TNFAIP8: variants seen among roughly 807,000 people sequenced by gnomAD.
The protein encoded by TNFAIP8 is TNF alpha induced protein 8, also known as tumor necrosis factor alpha-induced protein 8.
Under a neutral mutation model 13.3 loss-of-function variants are expected in TNFAIP8, and 7 were observed. The ratio of observed to expected loss-of-function variants is 0.52; its 90% CI spans 0.30 to 0.99. The LOEUF (loss-of-function observed/expected upper bound fraction) is 0.99, where lower values mean the gene tolerates loss of function less well. Ranked by LOEUF, TNFAIP8 falls within the 50% of genes least tolerant of loss-of-function variation. TNFAIP8 has a pLI of 0.07. For missense variants in TNFAIP8, 258 were observed against 236.9 expected (o/e 1.09, Z -0.58); for synonymous variants, 94 against 87.6 (o/e 1.07, Z -0.41).
intron 1 of TNFAIP8, among the ~76,000 whole-genome samples, chr5:119,294,301 G>T (rs1383366425): frequency 6.6e-6 from 1 of 150,902 alleles, no homozygotes; most frequent in Non-Finnish European, 1.5e-5. Flanking sequence ...GCGGTGTTTG[G>T]TTTTTTGTCC....
intron 1 of TNFAIP8, among the ~76,000 whole-genome samples, chr5:119,362,938 C>T (rs1163392499): frequency 6.6e-6 from 1 of 152,094 alleles, no homozygotes; most frequent in Non-Finnish European, 1.5e-5. Context: ...AGGAGCCTCG[C>T]CAAGAAAGTG....
At chr5:119,384,370 C>G (rs1752594844) in intron 1 of TNFAIP8, among the ~76,000 whole-genome samples, 1 of 152,080 alleles carries the variant, frequency 6.6e-6, no homozygotes, top group African/African-American at 2.4e-5. Context: ...CTATAATCAG[C>G]TACTTGGGAG....
intron 1 of TNFAIP8, among the ~76,000 whole-genome samples, chr5:119,275,819 C>CT (rs142350903): frequency 0.11 from 16,590 of 151,310 alleles, 955 homozygotes; most frequent in African/African-American, 0.16. Context: ...AGATTGACAG[C>CT]TTTTTTTTTC....
intron 1 of TNFAIP8, among the ~76,000 whole-genome samples, chr5:119,317,903 T>C (rs1048453470): frequency 6.6e-6 from 1 of 152,160 alleles, no homozygotes; most frequent in African/African-American, 2.4e-5. Flanking sequence ...AGCCCTACCT[T>C]ATATAGTTGA....
intron 1 of TNFAIP8, among the ~76,000 whole-genome samples, chr5:119,382,046 G>A (rs1222025008): frequency 6.6e-6 from 1 of 152,020 alleles, no homozygotes; most frequent in African/African-American, 2.4e-5. Context: ...TACATCCTTG[G>A]GTTTCTGACA....
At chr5:119,387,296 T>C (rs565588790) in intron 1 of TNFAIP8, among the ~76,000 whole-genome samples, 17 of 152,342 alleles carry the variant, frequency 1.1e-4, no homozygotes, top group African/African-American at 3.8e-4. Context: ...AGGTTTTATA[T>C]ATTTATTTAA....
intron 1 of TNFAIP8, among the ~76,000 whole-genome samples, chr5:119,308,588 G>A (rs1749636501): frequency 6.6e-6 from 1 of 151,942 alleles, no homozygotes; most frequent in African/African-American, 2.4e-5. Context: ...ATTCTAGGCT[G>A]GGCACAGTGG....
At position 119,358,918 on chromosome 5, in the gene TNFAIP8, G is replaced by T. The variant is rs1751534888; in HGVS notation, c.31+2797G>T. Among the ~76,000 whole-genome samples the T allele has an allele frequency of 3.9e-5, 6 of 152,218 alleles. No individual in the cohort carries two copies. In the South Asian group the frequency reaches 1.0e-3, roughly 26 times the overall value. On this transcript the variant is annotated intron_variant, in intron 1 of 1. Coordinates refer to ENST00000504771, the MANE Select transcript of TNFAIP8 (RefSeq NM_014350.4). ...CTTGGAAAAGAGTGAGGATTGAGTG[G>T]TGAGTGAGTCTGGCTCGCTCCTCCA...
chr5:119,303,120 C>T (rs1280542508), intron 1 of TNFAIP8, among the ~76,000 whole-genome samples: 2 of 152,170 alleles, frequency 1.3e-5, no homozygotes, highest in South Asian at 4.1e-4. Context: ...AAACCAGAGC[C>T]TGGTTTCCCC....
intron 1 of TNFAIP8, among the ~76,000 whole-genome samples, chr5:119,269,649 T>G (rs1748211736): frequency 6.6e-6 from 1 of 152,174 alleles, no homozygotes; most frequent in Non-Finnish European, 1.5e-5. Context: ...CCAACAGATT[T>G]TCGAAAACAC....
chr5:119,374,119 A>G (rs980667197), intron 1 of TNFAIP8, among the ~76,000 whole-genome samples: 7 of 152,214 alleles, frequency 4.6e-5, no homozygotes, highest in Non-Finnish European at 8.8e-5. Flanking sequence ...TTAAGTAACC[A>G]TAAGTTAAAG....
chr5:119,349,369 C>A (rs1043823424), intron 1 of TNFAIP8, among the ~76,000 whole-genome samples: 1 of 152,148 alleles, frequency 6.6e-6, no homozygotes, highest in African/African-American at 2.4e-5. Context: ...TTATAACAAC[C>A]CTGTTAAATA....
intron 1 of TNFAIP8, among the ~76,000 whole-genome samples, chr5:119,328,131 ATAATC>A (rs1195738546): frequency 1.3e-5 from 2 of 152,228 alleles, no homozygotes; most frequent in African/African-American, 2.4e-5. Flanking sequence ...ATTTTAAAAT[ATAATC>A]TAAAATGACA....
intron 1 of TNFAIP8, among the ~76,000 whole-genome samples, chr5:119,305,620 T>A (rs1279344779): frequency 1.3e-5 from 2 of 152,168 alleles, no homozygotes; most frequent in Non-Finnish European, 2.9e-5. Flanking sequence ...GTTTTTTTTT[T>A]AAGTCATTTG....
intron 1 of TNFAIP8, among the ~76,000 whole-genome samples, chr5:119,343,724 G>A (rs1750811539): frequency 6.6e-6 from 1 of 152,176 alleles, no homozygotes; most frequent in Non-Finnish European, 1.5e-5. Flanking sequence ...TATAGCACAA[G>A]TTCACTGTAG....
At chr5:119,319,634 A>G (rs1291624378) in intron 1 of TNFAIP8, among the ~76,000 whole-genome samples, 2 of 152,182 alleles carry the variant, frequency 1.3e-5, no homozygotes, top group Non-Finnish European at 2.9e-5. Context: ...ATTAAGTCCA[A>G]CTAGCCTGGA....
rs982086939 is a variant in TNFAIP8 at position 119,391,344 on chromosome 5, T to C, written c.32-1472T>C. On this transcript the variant is annotated intron_variant, in intron 1 of 1. Coordinates refer to ENST00000504771, the MANE Select transcript of TNFAIP8 (RefSeq NM_014350.4). ...AAACTTTTTATCTTTCATTACCAAATGACTGCTTTCTGATACCCAGGCCTA... is the reference window on the plus strand; with the variant it reads ...AAACTTTTTATCTTTCATTACCAAACGACTGCTTTCTGATACCCAGGCCTA... The C allele has an allele frequency of 1.6e-5, 11 of 701,666 alleles. No homozygotes were observed. In the African/African-American group the frequency reaches 1.9e-4, roughly 12 times the overall value. The allele number at this position is 701,666 out of a possible 1,614,324, so 43.5% of individuals were successfully genotyped here. A position where few individuals can be genotyped will look rare whatever the true frequency, so the allele number is the denominator to read the frequency against.
rs199601306 is a variant in TNFAIP8, at chr5:119,364,853, T to TG, written c.31+8732_31+8733insG. 1.7e-3 allele frequency among the ~76,000 whole-genome samples: 223 copies of TG among 130,542 alleles called. 9 individuals are homozygous for TG. The highest frequency in any genetic ancestry group is 1.3e-3 in the South Asian group (5 of 3,786). 85.6% of individuals were successfully genotyped at this position (130,542 alleles called of 152,430 possible). On this transcript the variant is annotated intron_variant, in intron 1 of 1. Coordinates refer to ENST00000504771, the MANE Select transcript of TNFAIP8 (RefSeq NM_014350.4). ...TTTTTTCTTTTCAGTTTTTTTTTTT[T>TG]TTTTTTTTTTTTTTTTGAGATGGAG...
chr5:119,333,504 G>A, intron 1 of TNFAIP8: 3 of 1,498,808 alleles, frequency 2.0e-6, no homozygotes, highest in Non-Finnish European at 2.7e-6. Context: ...CTCCCCGAGG[G>A]TGATGCAGGT....
Sources: allele counts gnomAD v4.1 joint callset (sites outside exome capture counted in the v4.1 genomes callset), GRCh38; gene constraint gnomAD v4.1.1; transcripts MANE v1.5; gene names NCBI Gene and HGNC (gene_info 2026-07-23, HGNC 2026-07-21).